DAB1: variants seen among roughly 807,000 people sequenced by gnomAD.
DAB1 encodes DAB adaptor protein 1.
In DAB1, 15 loss-of-function variants were observed where a neutral mutation model predicts 64.6. The ratio of observed to expected loss-of-function variants is 0.23; its 90% CI spans 0.16 to 0.36. The LOEUF (loss-of-function observed/expected upper bound fraction) is 0.36, where lower values mean the gene tolerates loss of function less well. Ranked by LOEUF, DAB1 falls within the 10% of genes least tolerant of loss-of-function variation. The pLI is 1.00. For synonymous variants in DAB1, 235 were observed against 251.9 expected, an observed-to-expected ratio of 0.93 and a Z score of 0.64; for missense variants, 596 against 706.7, an observed-to-expected ratio of 0.84 and a Z score of 1.78.
At chr1:58,126,325 C>T (rs913006140) in intron 5 of DAB1, among the ~76,000 whole-genome samples, 12 of 152,166 alleles carry the variant, frequency 7.9e-5, no homozygotes, top group South Asian at 2.1e-4. Flanking sequence ...CAGGGCTCTC[C>T]GCAGCCCGGG....
chr1:58,180,792 CACTTGTTGATTTT>C (rs1210217870), intron 4 of DAB1, among the ~76,000 whole-genome samples: 1 of 152,060 alleles, frequency 6.6e-6, no homozygotes, highest in African/African-American at 2.4e-5. Context: ...AAATTTCTTT[CACTTGTTGATTTT>C]AATGCGATAC....
chr1:57,066,990 G>A (rs1339397326), intron 8 of DAB1, among the ~76,000 whole-genome samples: 1 of 149,942 alleles, frequency 6.7e-6, no homozygotes, highest in Non-Finnish European at 1.5e-5. Context: ...AGGAGAAATA[G>A]CTATGGAACA....
chr1:57,317,411 T>C (rs1263607309), intron 1 of DAB1, among the ~76,000 whole-genome samples: 1 of 152,232 alleles, frequency 6.6e-6, no homozygotes, highest in African/African-American at 2.4e-5. Flanking sequence ...AGTAATTTGT[T>C]ATGCAGCAGT....
intron 5 of DAB1, among the ~76,000 whole-genome samples, chr1:58,140,813 G>A (rs770755042): frequency 2.0e-5 from 3 of 152,158 alleles, no homozygotes; most frequent in Non-Finnish European, 2.9e-5. Context: ...GAGTAAATAA[G>A]TAAATAGATA....
chr1:57,533,231 C>T (rs1644685671), intron 7 of DAB1, among the ~76,000 whole-genome samples: 1 of 151,912 alleles, frequency 6.6e-6, no homozygotes, highest in Non-Finnish European at 1.5e-5. Flanking sequence ...ACTGCAGTTC[C>T]ATTTTCCTCA....
intron 1 of DAB1, among the ~76,000 whole-genome samples, chr1:57,839,293 T>TCA (rs1172099223): frequency 2.0e-5 from 3 of 152,178 alleles, no homozygotes; most frequent in Admixed American, 6.5e-5. Context: ...ACCCAGCATT[T>TCA]CACTAAGTGA....
chr1:58,051,936 G>A (rs1647700018), intron 5 of DAB1, among the ~76,000 whole-genome samples: 2 of 152,110 alleles, frequency 1.3e-5, no homozygotes, highest in South Asian at 4.1e-4. Flanking sequence ...TGTAGATTCT[G>A]GATATTAGCC....
In DAB1 at chr1:57,473,371, CCTTA is replaced by C. The variant is rs1227465265; in HGVS notation, n.625+176217_625+176220del. Among the ~76,000 whole-genome samples the C allele has an allele frequency of 4.6e-5, 7 of 152,166 alleles. No individual in the cohort carries two copies. The East Asian group carries it at 1.4e-3, about 29-fold the overall frequency. On this transcript the variant is annotated intron_variant and non_coding_transcript_variant, in intron 7 of 20. Coordinates refer to the DAB1 transcript ENST00000485760. ...AATTGCCCTCCCTCAAGGGAAGGGC[CCTTA>C]CTTGAGATGTTCCCCGCTGCAGTCA... is the stretch of plus-strand genomic sequence containing the variant.
At chr1:57,012,835 G>A (rs6684287) in intron 12 of DAB1, among the ~76,000 whole-genome samples, 9,082 of 152,300 alleles carry the variant, frequency 0.06, 893 homozygotes, top group African/African-American at 0.2. Flanking sequence ...AACACAAGCT[G>A]AGTTGCCAGT....
intron 1 of DAB1, among the ~76,000 whole-genome samples, chr1:57,842,181 A>G (rs1186063575): frequency 6.6e-6 from 1 of 152,180 alleles, no homozygotes; most frequent in Non-Finnish European, 1.5e-5. Flanking sequence ...AAAATGCTGC[A>G]AGTCTGTTTG....
intron 4 of DAB1, among the ~76,000 whole-genome samples, chr1:58,205,907 T>C (rs886723828): frequency 2.6e-5 from 4 of 152,208 alleles, no homozygotes; most frequent in African/African-American, 9.6e-5. Flanking sequence ...AGTTAGTCAA[T>C]GCCAAGTTCA....
chr1:57,541,331 G>C (rs1391667336), intron 7 of DAB1, among the ~76,000 whole-genome samples: 3 of 152,026 alleles, frequency 2.0e-5, no homozygotes, highest in Non-Finnish European at 4.4e-5. Flanking sequence ...GGGTTTCACC[G>C]TGTTAGCCAG....
intron 4 of DAB1, among the ~76,000 whole-genome samples, chr1:58,216,651 G>A (rs1020424467): frequency 6.6e-5 from 10 of 152,174 alleles, no homozygotes; most frequent in Non-Finnish European, 1.2e-4. Flanking sequence ...CACCAACAGT[G>A]TAAAAGCATT....
chr1:57,116,769 A>G (rs373831507), intron 4 of DAB1, among the ~76,000 whole-genome samples: 7 of 152,326 alleles, frequency 4.6e-5, no homozygotes, highest in African/African-American at 1.7e-4. Context: ...CCTTGAATCT[A>G]CTAGGATACC....
rs1267302442 is a variant in DAB1, at chr1:57,624,413, CAA to C, written n.625+25177_625+25178del. 2.0e-5 allele frequency among the ~76,000 whole-genome samples: 3 copies of C among 152,120 alleles called. No homozygotes were observed. In the East Asian group the frequency reaches 5.8e-4, roughly 29 times the overall value. ...GGTGAAATGGAAACGATGAAAGGAA[CAA>C]AAATGTGGTTGGGCATACTCAATGA... is the stretch of plus-strand genomic sequence containing the variant. On this transcript the variant is annotated intron_variant and non_coding_transcript_variant, in intron 7 of 20. Coordinates refer to the DAB1 transcript ENST00000485760.
At chr1:57,251,501 G>C (rs544379871) in intron 2 of DAB1, among the ~76,000 whole-genome samples, 1 of 152,116 alleles carries the variant, frequency 6.6e-6, no homozygotes, top group Non-Finnish European at 1.5e-5. Context: ...AGTATTGAAA[G>C]GTTTAGTGTA....
intron 8 of DAB1, among the ~76,000 whole-genome samples, chr1:57,065,109 CTG>C (rs1446454167): frequency 1.3e-5 from 2 of 152,172 alleles, no homozygotes; most frequent in African/African-American, 4.8e-5. Context: ...TAAACTCAAA[CTG>C]TGCATAATTG....
chr1:57,423,095 A>G (rs973158550), intron 1 of DAB1, among the ~76,000 whole-genome samples: 2 of 151,188 alleles, frequency 1.3e-5, no homozygotes, highest in Non-Finnish European at 2.9e-5. Context: ...TCGGCGGTTG[A>G]CACCCTCTTG....
intron 7 of DAB1, among the ~76,000 whole-genome samples, chr1:57,484,364 C>A (rs1644063201): frequency 6.6e-6 from 1 of 152,178 alleles, no homozygotes; most frequent in Admixed American, 6.5e-5. Context: ...ACCCCTCAGG[C>A]TGCTACGTAG....
Sources: gnomAD v4.1 joint callset for allele counts (sites outside exome capture counted in the v4.1 genomes callset) on GRCh38, gnomAD v4.1.1 for gene constraint, MANE v1.5 for transcripts, NCBI Gene and HGNC (gene_info 2026-07-23, HGNC 2026-07-21) for gene names.